Variants in DEPDC1B observed in about 807,000 individuals in gnomAD.
DEPDC1B encodes DEP domain-containing protein 1B.
DEPDC1B carries 51 observed loss-of-function variants against 66.5 expected under a neutral mutation model. That is an observed-to-expected ratio of 0.77 (90% CI 0.61 to 0.97). The LOEUF is 0.97. DEPDC1B is among the 50% of genes least tolerant of loss of function. DEPDC1B has a pLI of 0.00. For missense variants in DEPDC1B, 552 were observed against 637.1 expected (o/e 0.87, Z 1.44); for synonymous variants, 226 against 223.6 (o/e 1.01, Z -0.10).
intron 1 of DEPDC1B, among the ~76,000 whole-genome samples, chr5:60,692,539 T>C (rs906222672): frequency 6.6e-6 from 1 of 152,160 alleles, no homozygotes; most frequent in Non-Finnish European, 1.5e-5. Flanking sequence ...CTGGTAAGAA[T>C]GTGAAAGAAC....
In DEPDC1B at chr5:60,610,789, A is replaced by G. The variant is rs913013282; in HGVS notation, c.899-4933T>C. Among the ~76,000 whole-genome samples, 53 of 152,360 alleles carry G rather than the reference A, an allele frequency of 3.5e-4. 1 individual carries two copies. Among genetic ancestry groups the G allele is most frequent in the Non-Finnish European group, 7.4e-4 (50 of 68,026 alleles). ...CAGGCTTGCATTATTATTACATACA[A>G]AAAGATATGTCTCATTCCCTGGTGT... On this transcript the variant is annotated intron_variant, in intron 7 of 10. Coordinates refer to ENST00000265036, the MANE Select transcript of DEPDC1B (RefSeq NM_018369.3).
chr5:60,617,068 T>A (rs1266748030), intron 7 of DEPDC1B, among the ~76,000 whole-genome samples: 1 of 152,096 alleles, frequency 6.6e-6, no homozygotes, highest in Non-Finnish European at 1.5e-5. Flanking sequence ...AATAAAATCC[T>A]TTACAGACAA....
intron 10 of DEPDC1B, among the ~76,000 whole-genome samples, 187 bp from the exon 11 acceptor site, chr5:60,598,101 C>T (rs1054594322): frequency 3.3e-5 from 5 of 152,044 alleles, no homozygotes; most frequent in African/African-American, 1.2e-4. Flanking sequence ...AAATAAGTTC[C>T]CCTTTTAATC....
In DEPDC1B at chr5:60,645,532, C is replaced by T. The variant is rs879799356; in HGVS notation, c.538G>A (p.Ala180Thr). 18 of 1,612,810 alleles carry T rather than the reference C, an allele frequency of 1.1e-5. No homozygotes were observed. Among genetic ancestry groups the T allele is most frequent in the Non-Finnish European group, 1.5e-5 (18 of 1,179,386 alleles). ...RLVHRRQLTE[A>T]NVEEIWKSMT... is the part of the protein sequence containing the mutation. ...GACTTCCATATCTCTTCTACATTGG[C>T]CTCTGTCAGCTGTCTGCGGTGGACA... Residue 180 changes from alanine (A) to threonine (T), a missense_variant, in exon 4 of 11, where the codon GCC (alanine) becomes ACC (threonine). Coordinates refer to ENST00000265036, the MANE Select transcript of DEPDC1B (RefSeq NM_018369.3).
chr5:60,654,176 A>C lies in DEPDC1B; in HGVS notation c.315-6643T>G, dbSNP rs550833924. Among the ~76,000 whole-genome samples, 4 of 149,024 alleles carry C rather than the reference A, an allele frequency of 2.7e-5. No homozygotes were observed. The South Asian group carries it at 8.9e-4, about 33-fold the overall frequency. ...GGTATATTAATGGGAATTGCATTGA[A>C]TTTGTAGATTGCTTTTGGTAGTACA... On this transcript the variant is annotated intron_variant, in intron 2 of 10. Coordinates refer to ENST00000265036, the MANE Select transcript of DEPDC1B (RefSeq NM_018369.3).
In DEPDC1B at chr5:60,645,470, CATT is replaced by C. The variant is rs1315823963; in HGVS notation, c.578+19_578+21del. The C allele has an allele frequency of 2.6e-6, 4 of 1,557,798 alleles. No individual in the cohort carries two copies. In the African/African-American group the frequency reaches 5.5e-5, roughly 21 times the overall value. On this transcript the variant is annotated intron_variant, in intron 4 of 10. Transcript: ENST00000265036. The stretch of plus-strand genomic sequence containing the variant: ...AGGAAACAATATCTCTAAAATTTCT[CATT>C]AATATCAAATGTACATACTATGATA...
chr5:60,604,386 A>G (rs1752269578), intron 8 of DEPDC1B, among the ~76,000 whole-genome samples: 1 of 150,834 alleles, frequency 6.6e-6, no homozygotes, highest in Non-Finnish European at 1.5e-5. Flanking sequence ...ATGCCCAGCT[A>G]ATTTTTGTAA....
intron 7 of DEPDC1B, among the ~76,000 whole-genome samples, chr5:60,619,818 G>A (rs978986419): frequency 6.6e-6 from 1 of 152,158 alleles, no homozygotes; most frequent in African/African-American, 2.4e-5. Flanking sequence ...CCAAACAAGA[G>A]CCCGCATTAC....
chr5:60,674,509 C>T (rs922274806), intron 2 of DEPDC1B, among the ~76,000 whole-genome samples: 1 of 152,176 alleles, frequency 6.6e-6, no homozygotes, highest in Non-Finnish European at 1.5e-5. Context: ...ACTACTTATA[C>T]TTGGTAGACT....
chr5:60,694,912 A>C (rs1434728934), intron 1 of DEPDC1B, among the ~76,000 whole-genome samples: 1 of 152,154 alleles, frequency 6.6e-6, no homozygotes, highest in Non-Finnish European at 1.5e-5. Context: ...ATTTCTTTAC[A>C]TAGTCTCTAG....
At chr5:60,687,307 GAA>G in intron 1 of DEPDC1B, 80 bp from the exon 2 acceptor site, 1 of 1,494,620 alleles carries the variant, frequency 6.7e-7, no homozygotes, top group South Asian at 1.3e-5. Context: ...TTAAAGCAAA[GAA>G]TGCAATTTTT....
chr5:60,699,581 C>A (rs1467131716), intron 1 of DEPDC1B, among the ~76,000 whole-genome samples: 3 of 152,162 alleles, frequency 2.0e-5, no homozygotes, highest in Non-Finnish European at 4.4e-5. Flanking sequence ...AGCGCGATGC[C>A]CCTCTGTTCT....
At chr5:60,619,175 C>G (rs1584035128) in intron 7 of DEPDC1B, among the ~76,000 whole-genome samples, 1 of 152,328 alleles carries the variant, frequency 6.6e-6, no homozygotes, top group East Asian at 1.9e-4. Flanking sequence ...AACCCACAGC[C>G]AATATCATAC....
intron 5 of DEPDC1B, 70 bp from the exon 6 acceptor site, chr5:60,642,929 A>G: frequency 1.7e-6 from 2 of 1,210,838 alleles, no homozygotes; most frequent in Admixed American, 4.1e-5. Context: ...TTGGTATCAT[A>G]AGAATGTATT....
chr5:60,608,849 C>A (rs890015021), intron 7 of DEPDC1B, among the ~76,000 whole-genome samples: 3 of 152,080 alleles, frequency 2.0e-5, no homozygotes, highest in African/African-American at 7.2e-5. Flanking sequence ...TGGCTTACAC[C>A]TATAATCTCA....
At chr5:60,607,164 C>CAGTT (rs1008076354) in intron 7 of DEPDC1B, among the ~76,000 whole-genome samples, 1 of 152,116 alleles carries the variant, frequency 6.6e-6, no homozygotes, top group Non-Finnish European at 1.5e-5. Flanking sequence ...GTATGACATG[C>CAGTT]AGTTATGAGG....
At chr5:60,687,600 A>G (rs1219311411) in intron 1 of DEPDC1B, 1 of 154,036 alleles carries the variant, frequency 6.5e-6, no homozygotes, top group Non-Finnish European at 1.4e-5. Context: ...GTCTCTGCTC[A>G]CTGCAACCTC....
At chr5:60,625,875 C>T (rs1409355651) in intron 7 of DEPDC1B, among the ~76,000 whole-genome samples, 1 of 152,152 alleles carries the variant, frequency 6.6e-6, no homozygotes, top group Non-Finnish European at 1.5e-5. Context: ...TATTCAAGCT[C>T]ACTGATCTTT....
intron 2 of DEPDC1B, among the ~76,000 whole-genome samples, chr5:60,669,233 C>T (rs936877437): frequency 9.2e-5 from 14 of 152,230 alleles, no homozygotes; most frequent in African/African-American, 3.4e-4. Flanking sequence ...CACAAAGAAA[C>T]ATAGTTATAA....
Sources: gnomAD v4.1 joint callset for allele counts (sites outside exome capture counted in the v4.1 genomes callset) on GRCh38, gnomAD v4.1.1 for gene constraint, MANE v1.5 for transcripts, NCBI Gene and HGNC (gene_info 2026-07-23, HGNC 2026-07-21) for gene names.